The following PFKP variants were observed in gnomAD, a reference collection of about 807,000 sequenced individuals.
PFKP encodes phosphofructokinase, platelet.
PFKP carries 101 observed loss-of-function variants against 94.3 expected under a neutral mutation model. The ratio of observed to expected loss-of-function variants is 1.07; its 90% confidence interval spans 0.91 to 1.26. The LOEUF (loss-of-function observed/expected upper bound fraction) is 1.26, where lower values mean the gene tolerates loss of function less well. PFKP is among the 50% of genes most tolerant of loss of function. The probability of loss-of-function intolerance (pLI) is 0.00; values close to 1 mark genes in which losing one functional copy is unlikely to be tolerated. For synonymous variants in PFKP, 573 were observed against 432.6 expected, an observed-to-expected ratio of 1.32 and a Z score of -4.03; for missense variants, 1,145 against 1,103.3, an observed-to-expected ratio of 1.04 and a Z score of -0.53.
chr10:3,103,315 CCTTAA>C (rs1235761981), intron 4 of PFKP, among the ~76,000 whole-genome samples: 1 of 152,164 alleles, frequency 6.6e-6, no homozygotes, highest in East Asian at 1.9e-4. Flanking sequence ...GCTTCTCTTT[CCTTAA>C]CTATGCAGAA....
chr10:3,067,865 G>A (rs1029430366), intron 1 of PFKP, among the ~76,000 whole-genome samples, 158 bp downstream of exon 1: 2 of 151,646 alleles, frequency 1.3e-5, no homozygotes, highest in Non-Finnish European at 2.9e-5. Context: ...GGAGAAGAGC[G>A]GGGAAGCGAT....
chr10:3,100,549 G>A (rs1233403501), intron 3 of PFKP, among the ~76,000 whole-genome samples: 2 of 152,116 alleles, frequency 1.3e-5, no homozygotes, highest in East Asian at 1.9e-4. Context: ...CACTGCAGGG[G>A]TCTCCTGGGA....
At chr10:3,135,667 C>A in intron 20 of PFKP, 69 bp from the exon 21 acceptor site, 1 of 942,666 alleles carries the variant, frequency 1.1e-6, no homozygotes, top group East Asian at 2.6e-5. Flanking sequence ...TCATCTCGCC[C>A]CGTGATTCTG....
rs774958748 is a variant in PFKP, at chr10:3,119,969, C to T, written c.1608C>T (p.Pro536=). Residue 536 remains proline (P), a synonymous_variant, in exon 16 of 22, where the codon CCC becomes CCT. Transcript: ENST00000381125. The part of the protein sequence containing the change: ...EEFCVPMVMV[P]ATVSNNVPGS... ...TCTGTGTCCCCATGGTCATGGTTCC[C>T]GCTACTGTGTCCAACAATGTGCCGG... is the stretch of plus-strand genomic sequence containing the variant. 1.1e-5 allele frequency: 17 copies of T among 1,613,976 alleles called. No homozygotes were observed. Among genetic ancestry groups the T allele is most frequent in the Middle Eastern group, 1.6e-4 (1 of 6,084 alleles).
chr10:3,082,268 T>G (rs1833142806), intron 1 of PFKP, 120 bp from the exon 2 acceptor site: 2 of 610,510 alleles, frequency 3.3e-6, no homozygotes, highest in Non-Finnish European at 5.8e-6. Context: ...TACCCATTTC[T>G]CATATTAGGA....
chr10:3,095,314 C>G (rs535271578), intron 2 of PFKP, among the ~76,000 whole-genome samples: 3 of 100,222 alleles, frequency 3.0e-5, no homozygotes, highest in Non-Finnish European at 8.1e-5. Context: ...AAATTCTAGT[C>G]AAAACCACCT....
intron 2 of PFKP, among the ~76,000 whole-genome samples, chr10:3,082,955 C>T (rs982418867): frequency 2.0e-5 from 3 of 152,182 alleles, no homozygotes; most frequent in Admixed American, 6.5e-5. Context: ...AAGCTATCCA[C>T]CCGCCTTGGC....
rs147130957 is a variant in PFKP at position 3,134,163 on chromosome 10, C to T, written c.2023-320C>T. Among the ~76,000 whole-genome samples, 843 of 152,270 alleles carry T rather than the reference C, an allele frequency of 5.5e-3. 5 individuals carry two copies. The highest frequency in any genetic ancestry group is 0.037 in the Middle Eastern group (11 of 294). On this transcript the variant is annotated intron_variant, in intron 19 of 21. Transcript: ENST00000381125. ...TGTGATCTTCTTAAAGAATCCACAA[C>T]GGTTATCAGATTAAAGCTGTGACCC...
At chr10:3,111,075 T>A (rs905106782) in intron 10 of PFKP, among the ~76,000 whole-genome samples, 2 of 152,116 alleles carry the variant, frequency 1.3e-5, no homozygotes, top group African/African-American at 2.4e-5. Context: ...TGTGAGGTAA[T>A]GCATCTGCAT....
intron 2 of PFKP, among the ~76,000 whole-genome samples, chr10:3,089,909 TTC>T (rs1413274645): frequency 2.6e-5 from 4 of 152,118 alleles, no homozygotes; most frequent in South Asian, 2.1e-4. Context: ...CATCATTCTG[TTC>T]TCTGTCTCCA....
intron 2 of PFKP, among the ~76,000 whole-genome samples, chr10:3,089,605 A>G (rs771811822): frequency 1.1e-4 from 16 of 150,938 alleles, no homozygotes; most frequent in Non-Finnish European, 2.1e-4. Flanking sequence ...GAACACTCCA[A>G]TTTTACTCTT....
intron 9 of PFKP, among the ~76,000 whole-genome samples, 169 bp downstream of exon 9, chr10:3,108,962 T>C (rs1169525737): frequency 6.6e-6 from 1 of 152,096 alleles, no homozygotes; most frequent in Non-Finnish European, 1.5e-5. Flanking sequence ...GACCAGTCTC[T>C]AGGCCTGCAG....
At chr10:3,117,257 G>C (rs868506354) in intron 14 of PFKP, among the ~76,000 whole-genome samples, 11 of 152,136 alleles carry the variant, frequency 7.2e-5, no homozygotes, top group Middle Eastern at 3.2e-3. Flanking sequence ...GCTGTGACTC[G>C]AGGCTCAGAT....
chr10:3,093,745 G>A (rs771491257), intron 2 of PFKP, among the ~76,000 whole-genome samples: 13 of 142,100 alleles, frequency 9.1e-5, no homozygotes, highest in Middle Eastern at 4.1e-3. Flanking sequence ...CCAGGTTCAC[G>A]CCATTCTCCC....
intron 7 of PFKP, among the ~76,000 whole-genome samples, 178 bp downstream of exon 7, chr10:3,105,679 T>C (rs1273336065): frequency 2.0e-5 from 3 of 152,156 alleles, no homozygotes; most frequent in Admixed American, 2.0e-4. Flanking sequence ...CTATGAAGGC[T>C]GAGACTCAAG....
intron 16 of PFKP, among the ~76,000 whole-genome samples, chr10:3,126,889 C>T (rs1223296033): frequency 1.1e-4 from 16 of 152,234 alleles, no homozygotes. Context: ...GGGGGCACAT[C>T]CCATCGTGCA....
At chr10:3,099,060 G>C (rs1020645317) in intron 2 of PFKP, among the ~76,000 whole-genome samples, 1 of 152,200 alleles carries the variant, frequency 6.6e-6, no homozygotes, top group Non-Finnish European at 1.5e-5. Flanking sequence ...GTGAGGCTGA[G>C]TCTAGGCAGA....
chr10:3,106,616 C>CCCCTGTCCT (rs1564309343), intron 7 of PFKP, among the ~76,000 whole-genome samples: 10 of 68,742 alleles, frequency 1.5e-4, no homozygotes, highest in African/African-American at 2.9e-4. Flanking sequence ...CTCACCCCTG[C>CCCCTGTCCT]CACTGCCCCT....
At chr10:3,094,572 G>A (rs1834327839) in intron 2 of PFKP, among the ~76,000 whole-genome samples, 1 of 152,178 alleles carries the variant, frequency 6.6e-6, no homozygotes. Flanking sequence ...GGCTTGGGAT[G>A]TGTGTTGGTG....
Sources: gnomAD v4.1 joint callset for allele counts (sites outside exome capture counted in the v4.1 genomes callset) on GRCh38, gnomAD v4.1.1 for gene constraint, MANE v1.5 for transcripts, NCBI Gene and HGNC (gene_info 2026-07-23, HGNC 2026-07-21) for gene names.